The following APBA1 variants were observed in gnomAD, a reference collection of about 807,000 sequenced individuals.
APBA1 encodes the protein amyloid beta precursor protein binding family A member 1.
Under a neutral mutation model 86.6 loss-of-function variants are expected in APBA1, and 55 were observed. That is an observed-to-expected ratio of 0.64 (90% CI 0.51 to 0.80). The LOEUF (loss-of-function observed/expected upper bound fraction) is 0.80. APBA1 is among the 30% of genes least tolerant of loss of function. The pLI is 0.00. For synonymous variants in APBA1, 511 were observed against 493.9 expected (o/e 1.03, Z -0.46); for missense variants, 1,090 against 1,183.0 (o/e 0.92, Z 1.15).
In APBA1 at chr9:69,505,358, C is replaced by T. The variant is rs566090759; in HGVS notation, c.1200+10653G>A. ...CAGGGCTCACGTTTCCCTGGCCACGCTTAACTTCTAGAGGATGAGGAAGTG... is the reference window on the plus strand; with the variant it reads ...CAGGGCTCACGTTTCCCTGGCCACGTTTAACTTCTAGAGGATGAGGAAGTG... On this transcript the variant is annotated intron_variant, in intron 2 of 12. Transcript: ENST00000265381. Among the ~76,000 whole-genome samples the T allele has an allele frequency of 5.3e-5, 8 of 152,156 alleles. No individual in the cohort carries two copies. The East Asian group carries it at 1.2e-3, about 22-fold the overall frequency.
chr9:69,466,361 C>T (rs1228312043), intron 5 of APBA1, among the ~76,000 whole-genome samples: 1 of 152,224 alleles, frequency 6.6e-6, no homozygotes, highest in African/African-American at 2.4e-5. Flanking sequence ...AGAGTCTGGA[C>T]ACGTGACTAA....
intron 5 of APBA1, 105 bp from the exon 6 acceptor site, chr9:69,458,293 A>G: frequency 9.9e-7 from 1 of 1,006,014 alleles, no homozygotes; most frequent in Non-Finnish European, 1.4e-6. Flanking sequence ...TAGTGGCATA[A>G]AGCGTTTCTG....
rs1183398146 is a variant in APBA1, at chr9:69,429,122, C to T, written c.*2205G>A. On this transcript the variant is annotated 3_prime_UTR_variant, in exon 13 of 13. Transcript: ENST00000265381. ...GTGGGCGGGCCTCTGTGGCACTGCCCAGGTGCCTAGGGACAGACAGGCATG... is the reference window on the plus strand; with the variant it reads ...GTGGGCGGGCCTCTGTGGCACTGCCTAGGTGCCTAGGGACAGACAGGCATG... 1.3e-5 allele frequency: 2 copies of T among 152,162 alleles called. No homozygotes were observed. The highest frequency in any genetic ancestry group is 2.9e-5 in the Non-Finnish European group (2 of 68,040). 9.4% of individuals were successfully genotyped at this position (152,162 alleles called of 1,614,324 possible). A position where few individuals can be genotyped will look rare whatever the true frequency, so the allele number is the denominator to read the frequency against.
At chr9:69,587,037 T>C (rs992185399) in intron 1 of APBA1, among the ~76,000 whole-genome samples, 2 of 152,212 alleles carry the variant, frequency 1.3e-5, no homozygotes, top group Non-Finnish European at 2.9e-5. Flanking sequence ...GAATTGTATA[T>C]TGTTGGTTGA....
intron 1 of APBA1, among the ~76,000 whole-genome samples, chr9:69,611,845 G>A (rs542240907): frequency 6.6e-6 from 1 of 152,258 alleles, no homozygotes; most frequent in African/African-American, 2.4e-5. Context: ...TATTCAGATT[G>A]GCTTAATGAG....
At chr9:69,583,734 A>C (rs1396587074) in intron 1 of APBA1, among the ~76,000 whole-genome samples, 2 of 152,202 alleles carry the variant, frequency 1.3e-5, no homozygotes, top group Non-Finnish European at 2.9e-5. Flanking sequence ...AGCAGTTTTC[A>C]TGGCTGACCT....
intron 1 of APBA1, among the ~76,000 whole-genome samples, chr9:69,550,271 T>C (rs1258948173): frequency 6.6e-6 from 1 of 152,216 alleles, no homozygotes; most frequent in African/African-American, 2.4e-5. Flanking sequence ...TGGAAAATTA[T>C]GCAATTTCTT....
Position 69,449,592 on chromosome 9 carries a change from T to G in APBA1, c.2173A>C (p.Ile725Leu). The change falls in exon 10 of 13, where the codon ATT becomes CTT. Residue 725 changes from isoleucine to leucine, a missense_variant. Transcript: ENST00000265381. ...VGLPLSTCQSIIKGLKNQSRV... is the reference protein window; with the variant it reads ...VGLPLSTCQSLIKGLKNQSRV... ...TTCCCATATTCAGGTACCTTAATAA[T>G]GCTCTGGCAGGTGGACAGAGGCAGG... The G allele has an allele frequency of 1.2e-6, 2 of 1,613,696 alleles. No individual in the cohort carries two copies. Among genetic ancestry groups the G allele is most frequent in the African/African-American group, 1.3e-5 (1 of 75,020 alleles).
intron 1 of APBA1, among the ~76,000 whole-genome samples, chr9:69,657,046 C>T (rs1823627090): frequency 6.6e-6 from 1 of 152,096 alleles, no homozygotes; most frequent in Middle Eastern, 3.4e-3. Flanking sequence ...GGGGTTTCAC[C>T]GTGTTAGCCA....
chr9:69,456,690 A>G (rs964474484), intron 7 of APBA1, among the ~76,000 whole-genome samples: 6 of 152,034 alleles, frequency 3.9e-5, no homozygotes, highest in Non-Finnish European at 8.8e-5. Context: ...CTTGTGGAGA[A>G]GTTTAAAAAA....
intron 2 of APBA1, among the ~76,000 whole-genome samples, chr9:69,495,881 GC>G (rs965093235): frequency 1.3e-5 from 2 of 152,082 alleles, no homozygotes; most frequent in African/African-American, 4.8e-5. Flanking sequence ...CCAGCTAGGG[GC>G]CGCACCTCTA....
intron 1 of APBA1, among the ~76,000 whole-genome samples, chr9:69,559,618 G>A (rs1836917941): frequency 6.6e-6 from 1 of 152,054 alleles, no homozygotes; most frequent in Non-Finnish European, 1.5e-5. Flanking sequence ...AGAATTCTGG[G>A]TCGACGGTTA....
intron 1 of APBA1, among the ~76,000 whole-genome samples, chr9:69,581,336 A>G (rs891199126): frequency 1.3e-5 from 2 of 152,206 alleles, no homozygotes; most frequent in African/African-American, 4.8e-5. Flanking sequence ...AACATCCTTG[A>G]CATTTACCTT....
At chr9:69,510,185 C>G in intron 2 of APBA1, among the ~76,000 whole-genome samples, 1 of 146,930 alleles carries the variant, frequency 6.8e-6, no homozygotes. Flanking sequence ...CTGTCTCAGC[C>G]CAAAATCTCC....
intron 1 of APBA1, among the ~76,000 whole-genome samples, chr9:69,553,648 G>A (rs982554850): frequency 6.6e-6 from 1 of 152,094 alleles, no homozygotes; most frequent in Non-Finnish European, 1.5e-5. Context: ...CTTCCAGCAC[G>A]GACACTGTTT....
chr9:69,571,949 T>A (rs775857891), intron 1 of APBA1, among the ~76,000 whole-genome samples: 35 of 152,200 alleles, frequency 2.3e-4, no homozygotes, highest in Non-Finnish European at 4.6e-4. Flanking sequence ...AGGAGTGGGA[T>A]GTTCTGATCA....
intron 1 of APBA1, among the ~76,000 whole-genome samples, chr9:69,606,196 T>A (rs1182592908): frequency 6.6e-6 from 1 of 152,208 alleles, no homozygotes; most frequent in African/African-American, 2.4e-5. Context: ...CCTCTGTCCA[T>A]TAGCAGAGAA....
intron 2 of APBA1, among the ~76,000 whole-genome samples, chr9:69,511,571 G>A (rs1836041295): frequency 6.6e-6 from 1 of 151,652 alleles, no homozygotes; most frequent in Admixed American, 6.6e-5. Context: ...TCCCATTACT[G>A]GGTATATACC....
intron 2 of APBA1, among the ~76,000 whole-genome samples, chr9:69,492,277 G>C (rs548068801): frequency 6.6e-6 from 1 of 152,154 alleles, no homozygotes; most frequent in East Asian, 1.9e-4. Context: ...GTTGCCATGA[G>C]TATTAACTGG....
Sources: gnomAD v4.1 joint callset for allele counts (sites outside exome capture counted in the v4.1 genomes callset) on GRCh38, gnomAD v4.1.1 for gene constraint, MANE v1.5 for transcripts, NCBI Gene and HGNC (gene_info 2026-07-23, HGNC 2026-07-21) for gene names.